LIPC: variants seen among roughly 807,000 people sequenced by gnomAD.
LIPC encodes hepatic triacylglycerol lipase.
In LIPC, 44 loss-of-function variants were observed where a neutral mutation model predicts 50.7. The observed-to-expected ratio is 0.87, with a 90% CI of 0.68 to 1.11. The LOEUF (loss-of-function observed/expected upper bound fraction) is 1.11, where lower values mean the gene tolerates loss of function less well. Among genes scored for constraint, LIPC ranks in the 50% most tolerant of loss-of-function variants. LIPC has a pLI of 0.00. For synonymous variants in LIPC, 271 were observed against 256.4 expected (o/e 1.06, Z -0.54); for missense variants, 697 against 648.2 (o/e 1.08, Z -0.82).
chr15:58,563,623 T>G lies in LIPC; in HGVS notation c.1288T>G (p.Trp430Gly), dbSNP rs1323314426. Reference protein sequence around the residue: ...WENSAVWANVWDTVQTIIPWS... With the variant: ...WENSAVWANVGDTVQTIIPWS... The stretch of plus-strand genomic sequence containing the variant: ...AAACAGTGCAGTGTGGGCCAATGTC[T>G]GGGACACGGTCCAGACCATCATCCC... Residue 430 changes from tryptophan to glycine, a missense_variant, in exon 8 of 9, where the codon TGG becomes GGG. By Grantham distance (184) the Trp-to-Gly change is radical. Transcript: ENST00000299022. The G allele has an allele frequency of 4.3e-6, 7 of 1,614,220 alleles. No homozygotes were observed. Among genetic ancestry groups the G allele is most frequent in the Non-Finnish European group, 5.9e-6 (7 of 1,180,036 alleles).
At chr15:58,544,391 C>CTTTTTTTTTTTT (rs572161614) in intron 4 of LIPC, among the ~76,000 whole-genome samples, 2 of 110,272 alleles carry the variant, frequency 1.8e-5, no homozygotes, top group Non-Finnish European at 3.7e-5. Flanking sequence ...TTCTTTTTCT[C>CTTTTTTTTTTTT]TTTCTTTTTT....
intron 1 of LIPC, among the ~76,000 whole-genome samples, chr15:58,477,005 G>T (rs1891021800): frequency 6.6e-6 from 1 of 152,164 alleles, no homozygotes; most frequent in Admixed American, 6.5e-5. Flanking sequence ...GCACCACCAT[G>T]GTGTTAAGCT....
intron 1 of LIPC, among the ~76,000 whole-genome samples, chr15:58,520,421 C>T (rs567786212): frequency 9.2e-5 from 14 of 152,236 alleles, no homozygotes; most frequent in African/African-American, 3.1e-4. Context: ...AACTCATTTC[C>T]TGCTCTTAAA....
intron 6 of LIPC, among the ~76,000 whole-genome samples, chr15:58,549,827 G>T (rs1893683528): frequency 6.6e-6 from 1 of 152,208 alleles, no homozygotes; most frequent in Non-Finnish European, 1.5e-5. Flanking sequence ...GTCCCTTAGG[G>T]CTGGAGGAGA....
chr15:58,520,679 C>A (rs866152469), intron 1 of LIPC, among the ~76,000 whole-genome samples: 1 of 152,158 alleles, frequency 6.6e-6, no homozygotes, highest in African/African-American at 2.4e-5. Context: ...AGGTTGAGAG[C>A]CGCTGTATAC....
intron 1 of LIPC, among the ~76,000 whole-genome samples, chr15:58,472,250 A>G (rs1461199981): frequency 1.4e-5 from 2 of 142,918 alleles, no homozygotes; most frequent in Non-Finnish European, 3.0e-5. Context: ...CACCCTGGGC[A>G]ACAGAGTGAC....
At chr15:58,538,574 T>C in intron 2 of LIPC, 57 bp downstream of exon 2, 1 of 1,529,458 alleles carries the variant, frequency 6.5e-7, no homozygotes, top group Non-Finnish European at 9.1e-7. Context: ...TTTTTTTCTT[T>C]CTAGCGTGTT....
At chr15:58,445,612 A>T (rs1230423190) in intron 1 of LIPC, among the ~76,000 whole-genome samples, 4 of 152,162 alleles carry the variant, frequency 2.6e-5, no homozygotes, top group Non-Finnish European at 5.9e-5. Context: ...CAGCGGAAAT[A>T]AACCATGGGT....
chr15:58,448,492 G>A (rs181776687), intron 1 of LIPC, among the ~76,000 whole-genome samples: 2 of 152,364 alleles, frequency 1.3e-5, no homozygotes, highest in African/African-American at 4.8e-5. Context: ...AGGTCAATAA[G>A]ATGCACTCCC....
At chr15:58,506,130 G>C (rs1165562309) in intron 1 of LIPC, among the ~76,000 whole-genome samples, 1 of 152,140 alleles carries the variant, frequency 6.6e-6, no homozygotes, top group Non-Finnish European at 1.5e-5. Flanking sequence ...ACCTCTTCCT[G>C]TTCTTGTCTC....
chr15:58,474,643 G>A (rs1237681355), intron 1 of LIPC, among the ~76,000 whole-genome samples: 2 of 152,142 alleles, frequency 1.3e-5, no homozygotes, highest in African/African-American at 4.8e-5. Flanking sequence ...GCCCAAATCA[G>A]TTTGACCTTG....
At chr15:58,525,469 T>G (rs1478787715) in intron 1 of LIPC, among the ~76,000 whole-genome samples, 1 of 152,226 alleles carries the variant, frequency 6.6e-6, no homozygotes, top group African/African-American at 2.4e-5. Flanking sequence ...CTCACTGTCA[T>G]GTTTTATTCT....
intron 1 of LIPC, among the ~76,000 whole-genome samples, chr15:58,434,619 G>C (rs1047411115): frequency 2.0e-5 from 3 of 152,254 alleles, no homozygotes; most frequent in Non-Finnish European, 4.4e-5. Flanking sequence ...CTCTCACAGA[G>C]AGGGAGATTT....
At chr15:58,534,051 G>C (rs1161234385) in intron 1 of LIPC, among the ~76,000 whole-genome samples, 1 of 152,180 alleles carries the variant, frequency 6.6e-6, no homozygotes, top group East Asian at 1.9e-4. Flanking sequence ...AGGCAAGAGA[G>C]GGCATAAGCT....
chr15:58,541,687 C>G lies in LIPC; in HGVS notation c.274-98C>G, dbSNP rs1237287063. 9.5e-6 allele frequency: 12 copies of G among 1,257,102 alleles called. No homozygotes were observed. The African/African-American group carries it at 1.8e-4, about 19-fold the overall frequency. 77.9% of individuals were successfully genotyped at this position (1,257,102 alleles called of 1,614,324 possible). The stretch of plus-strand genomic sequence containing the variant: ...TGTGCATGGCTGAGAAACGTCATAG[C>G]AAGCCCTTCCTCCAGCATTATCCAG... On this transcript the variant is annotated intron_variant, in intron 2 of 8. Transcript: ENST00000299022.
intron 1 of LIPC, among the ~76,000 whole-genome samples, chr15:58,449,875 G>A (rs1284481166): frequency 1.3e-5 from 2 of 152,062 alleles, no homozygotes; most frequent in Non-Finnish European, 2.9e-5. Flanking sequence ...TTCTTCCCTT[G>A]GAGACCTTTC....
At chr15:58,487,502 A>G (rs1891419322) in intron 1 of LIPC, among the ~76,000 whole-genome samples, 1 of 152,232 alleles carries the variant, frequency 6.6e-6, no homozygotes, top group South Asian at 2.1e-4. Context: ...GAAGCAATAG[A>G]CGGCCCCTTA....
chr15:58,472,164 G>C (rs916618048), intron 1 of LIPC, among the ~76,000 whole-genome samples: 2 of 150,416 alleles, frequency 1.3e-5, no homozygotes, highest in African/African-American at 2.5e-5. Flanking sequence ...CCAGCTACTC[G>C]GGAGGCTGAA....
chr15:58,551,813 G>A (rs540962289), intron 6 of LIPC, among the ~76,000 whole-genome samples: 1 of 152,276 alleles, frequency 6.6e-6, no homozygotes, highest in South Asian at 2.1e-4. Context: ...GATAAACATC[G>A]CCTCCTGATT....
Sources: gnomAD v4.1 joint callset for allele counts (sites outside exome capture counted in the v4.1 genomes callset) on GRCh38, gnomAD v4.1.1 for gene constraint, MANE v1.5 for transcripts, NCBI Gene and HGNC (gene_info 2026-07-23, HGNC 2026-07-21) for gene names.